PARD3: variants seen among roughly 807,000 people sequenced by gnomAD.
PARD3 encodes partitioning defective 3 homolog.
PARD3 carries 75 observed loss-of-function variants against 155.4 expected under a neutral mutation model. The ratio of observed to expected loss-of-function variants is 0.48; its 90% confidence interval spans 0.40 to 0.58. The LOEUF is 0.58. PARD3 is among the 20% of genes least tolerant of loss of function. PARD3 has a pLI of 0.00. For missense variants in PARD3, 1,642 were observed against 1,721.7 expected, an observed-to-expected ratio of 0.95 and a Z score of 0.82; for synonymous variants, 576 against 610.5, an observed-to-expected ratio of 0.94 and a Z score of 0.83.
At chr10:34,463,360 A>AT (rs1285618474) in intron 4 of PARD3, among the ~76,000 whole-genome samples, 2 of 42,700 alleles carry the variant, frequency 4.7e-5, no homozygotes, top group African/African-American at 2.0e-4. Context: ...GGGGAAGGGG[A>AT]GGGGAGGGGA....
intron 7 of PARD3, among the ~76,000 whole-genome samples, chr10:34,387,252 T>A: frequency 6.6e-6 from 1 of 152,166 alleles, no homozygotes; most frequent in East Asian, 1.9e-4. Context: ...TCTAAAATAG[T>A]CCATAGAAAA....
At chr10:34,291,807 G>A (rs773066960) in intron 20 of PARD3, among the ~76,000 whole-genome samples, 8 of 152,196 alleles carry the variant, frequency 5.3e-5, no homozygotes, top group Admixed American at 1.3e-4. Flanking sequence ...AACACTTTGC[G>A]AGGCCAAGGC....
chr10:34,729,177 C>T (rs534480139), intron 1 of PARD3, among the ~76,000 whole-genome samples: 1 of 152,240 alleles, frequency 6.6e-6, no homozygotes, highest in Non-Finnish European at 1.5e-5. Context: ...CCTCCTTAAG[C>T]GGCGCGTGAC....
intron 9 of PARD3, among the ~76,000 whole-genome samples, chr10:34,378,925 G>C (rs1841539408): frequency 6.6e-6 from 1 of 152,176 alleles, no homozygotes; most frequent in South Asian, 2.1e-4. Flanking sequence ...AAGCAGAAAA[G>C]TGTTTATATG....
At chr10:34,701,333 A>ATGATGTTGTTGTTGTTGTTGTTGTTGT (rs1554815382) in intron 1 of PARD3, among the ~76,000 whole-genome samples, 1 of 149,862 alleles carries the variant, frequency 6.7e-6, no homozygotes, top group Non-Finnish European at 1.5e-5. Context: ...ACACGCGGGG[A>ATGATGTTGTTGTTGTTGTTGTTGTTGT]TGTTGTTGTT....
rs546624486 is a variant in PARD3 at position 34,469,734 on chromosome 10, G to A, written c.582+351C>T. ...GAAAAAGCAAATAAAGAGGTTGCCT[G>A]TGAGGAGAAATGGGAGAGGAGACCA... On this transcript the variant is annotated intron_variant, in intron 4 of 24. Transcript: ENST00000374788. 6.8e-4 allele frequency among the ~76,000 whole-genome samples: 104 copies of A among 152,294 alleles called. 1 individual carries two copies. The South Asian group carries it at 7.9e-3, about 12-fold the overall frequency.
intron 22 of PARD3, among the ~76,000 whole-genome samples, chr10:34,141,783 C>T (rs1948201967): frequency 6.6e-6 from 1 of 152,146 alleles, no homozygotes; most frequent in African/African-American, 2.4e-5. Flanking sequence ...CAAAGACATA[C>T]ATAATTTCAG....
rs561178299 is a variant in PARD3, at chr10:34,748,307, T to C, written c.121-51888A>G. ...CAACACGGCAAAACCCTGTCTCTAC[T>C]AAAAATACCAAAATTAGCTGGGTGT... is the stretch of plus-strand genomic sequence containing the variant. On this transcript the variant is annotated intron_variant, in intron 1 of 24. Coordinates refer to ENST00000374788, the MANE Select transcript of PARD3 (RefSeq NM_001184785.2). 9.9e-5 allele frequency among the ~76,000 whole-genome samples: 15 copies of C among 151,982 alleles called. No individual in the cohort carries two copies. In the South Asian group the frequency reaches 2.9e-3, roughly 29 times the overall value.
At chr10:34,429,860 C>T (rs1308178770) in intron 5 of PARD3, among the ~76,000 whole-genome samples, 6 of 152,160 alleles carry the variant, frequency 3.9e-5, no homozygotes, top group Non-Finnish European at 2.9e-5. Context: ...GCTGGGATTA[C>T]AGGCGTGAGC....
chr10:34,538,265 G>T (rs1433052254), intron 2 of PARD3, among the ~76,000 whole-genome samples: 1 of 152,208 alleles, frequency 6.6e-6, no homozygotes, highest in African/African-American at 2.4e-5. Flanking sequence ...TTCCATGTGA[G>T]ATCTTAAAAA....
chr10:34,141,971 A>G (rs1404867402), intron 22 of PARD3, among the ~76,000 whole-genome samples: 4 of 152,232 alleles, frequency 2.6e-5, no homozygotes, highest in Non-Finnish European at 5.9e-5. Context: ...AAGTTTTTAA[A>G]AATTATCATT....
chr10:34,689,708 G>A (rs1026632122), intron 2 of PARD3, among the ~76,000 whole-genome samples: 2 of 151,970 alleles, frequency 1.3e-5, no homozygotes, highest in African/African-American at 2.4e-5. Flanking sequence ...TATCAAATTC[G>A]CAGAAGGATA....
intron 22 of PARD3, among the ~76,000 whole-genome samples, chr10:34,235,336 C>T (rs939135654): frequency 2.0e-5 from 3 of 152,198 alleles, no homozygotes; most frequent in African/African-American, 7.2e-5. Flanking sequence ...CCCAATTCTG[C>T]TGCTAAACAT....
intron 2 of PARD3, among the ~76,000 whole-genome samples, chr10:34,594,273 C>A (rs943655929): frequency 1.3e-5 from 2 of 152,130 alleles, no homozygotes; most frequent in Non-Finnish European, 2.9e-5. Flanking sequence ...AAAACAATGT[C>A]TTTGAAATGA....
chr10:34,810,372 A>G (rs1843984024), intron 1 of PARD3, among the ~76,000 whole-genome samples: 1 of 152,192 alleles, frequency 6.6e-6, no homozygotes, highest in Non-Finnish European at 1.5e-5. Context: ...AAGTCCAGAA[A>G]AATCCAAAAT....
chr10:34,268,014 T>C (rs1284481728), intron 22 of PARD3, among the ~76,000 whole-genome samples: 1 of 152,158 alleles, frequency 6.6e-6, no homozygotes, highest in Non-Finnish European at 1.5e-5. Context: ...GAAACCACTA[T>C]GAGAGATGAT....
intron 2 of PARD3, among the ~76,000 whole-genome samples, chr10:34,542,421 G>T (rs2083708808): frequency 1.3e-5 from 2 of 152,096 alleles, no homozygotes; most frequent in African/African-American, 4.8e-5. Flanking sequence ...ATAGGTCAGG[G>T]AAACTGCAAA....
At chr10:34,681,733 TATATATATATATA>T (rs2093828520) in intron 2 of PARD3, among the ~76,000 whole-genome samples, 1 of 14,574 alleles carries the variant, frequency 6.9e-5, no homozygotes, top group African/African-American at 3.3e-4. Flanking sequence ...ATGTATTTTA[TATATATATATATA>T]TATATATATA....
chr10:34,458,950 A>G (rs1229074621), intron 4 of PARD3, among the ~76,000 whole-genome samples: 1 of 152,190 alleles, frequency 6.6e-6, no homozygotes, highest in East Asian at 1.9e-4. Flanking sequence ...CCTTAAAACA[A>G]GAAGGGTGAG....
Sources: gnomAD v4.1 joint callset for allele counts (sites outside exome capture counted in the v4.1 genomes callset) on GRCh38, gnomAD v4.1.1 for gene constraint, MANE v1.5 for transcripts, NCBI Gene and HGNC (gene_info 2026-07-23, HGNC 2026-07-21) for gene names.